ARMC7: variants seen among roughly 807,000 people sequenced by gnomAD.
ARMC7 encodes armadillo repeat-containing protein 7.
ARMC7 carries 9 observed loss-of-function variants against 14.8 expected under a neutral mutation model. The observed-to-expected ratio is 0.61, with a 90% CI of 0.37 to 1.06. The LOEUF (loss-of-function observed/expected upper bound fraction) is 1.06. Ranked by LOEUF, ARMC7 falls within the 50% of genes least tolerant of loss-of-function variation. The pLI is 0.01. For synonymous variants in ARMC7, 125 were observed against 123.4 expected, an observed-to-expected ratio of 1.01 and a Z score of -0.09; for missense variants, 262 against 267.1, an observed-to-expected ratio of 0.98 and a Z score of 0.13.
Position 75,110,503 on chromosome 17 carries a change from T to A in ARMC7, c.132T>A (p.Ala44=). ...EQVLANLANF[A]YDPSNYEYLR... The stretch of plus-strand genomic sequence containing the variant: ...TCCTCGCCAACCTCGCCAACTTCGC[T>A]TATGACCCCAGCAACTACGAGTATC... Residue 44 remains alanine, a synonymous_variant, in exon 2 of 3, where the codon GCT becomes GCA. Transcript: ENST00000245543. The A allele has an allele frequency of 6.2e-7, 1 of 1,614,056 alleles. No individual in the cohort carries two copies. The highest frequency in any genetic ancestry group is 8.5e-7 in the Non-Finnish European group (1 of 1,179,866).
chr17:75,120,244 C>T (rs1206664472), intron 2 of ARMC7, among the ~76,000 whole-genome samples: 1 of 152,126 alleles, frequency 6.6e-6, no homozygotes, highest in African/African-American at 2.4e-5. Flanking sequence ...TTCAACCTTC[C>T]CTTCATGGTC....
At chr17:75,111,041 C>T (rs991913419) in intron 2 of ARMC7, among the ~76,000 whole-genome samples, 1 of 150,644 alleles carries the variant, frequency 6.6e-6, no homozygotes, top group Non-Finnish European at 1.5e-5. Flanking sequence ...GGAGGTATTG[C>T]TTGAGTCTGG....
At chr17:75,116,259 T>C (rs940436563) in intron 2 of ARMC7, among the ~76,000 whole-genome samples, 5 of 152,192 alleles carry the variant, frequency 3.3e-5, no homozygotes, top group African/African-American at 1.2e-4. Context: ...AAAGTAGATG[T>C]GCTTACACCG....
At chr17:75,124,229 C>A (rs2074034680) in intron 2 of ARMC7, among the ~76,000 whole-genome samples, 1 of 152,164 alleles carries the variant, frequency 6.6e-6, no homozygotes, top group Admixed American at 6.5e-5. Context: ...ACACTACCCG[C>A]TAGGCAGAGG....
At chr17:75,111,622 C>T (rs1362325205) in intron 2 of ARMC7, among the ~76,000 whole-genome samples, 4 of 151,566 alleles carry the variant, frequency 2.6e-5, no homozygotes, top group Admixed American at 2.0e-4. Context: ...CGTGGTGTCC[C>T]AGCTACTCAG....
intron 2 of ARMC7, 76 bp from the exon 3 acceptor site, chr17:75,128,601 C>A: frequency 1.3e-6 from 2 of 1,542,284 alleles, no homozygotes; most frequent in Middle Eastern, 3.7e-4. Context: ...TGGGCCCCTA[C>A]CTGGGGCTCA....
At chr17:75,110,653 G>A in intron 2 of ARMC7, 47 bp downstream of exon 2, 1 of 1,608,684 alleles carries the variant, frequency 6.2e-7, no homozygotes, top group Non-Finnish European at 8.5e-7. Flanking sequence ...GCCAGGGTGA[G>A]ATAAGTGAAT....
At position 75,110,319 on chromosome 17, in the gene ARMC7, G is replaced by A. The variant is rs1462106818; in HGVS notation, c.31G>A (p.Val11Ile). The change falls in exon 1 of 3, where the codon GTC (valine) becomes ATC (isoleucine). Residue 11 changes from valine (V) to isoleucine (I), a missense_variant. Coordinates refer to ENST00000245543, the MANE Select transcript of ARMC7 (RefSeq NM_024585.4). ...CCAGAAGCCGAAGGTGGACCCCCAC[G>A]TCGGGCGGCTGGGATACCTGCAGGC... MAQKPKVDPH[V>I]GRLGYLQALV... The A allele has an allele frequency of 6.2e-7, 1 of 1,613,282 alleles. No individual in the cohort carries two copies. Among genetic ancestry groups the A allele is most frequent in the East Asian group, 2.2e-5 (1 of 44,890 alleles).
At chr17:75,125,671 C>G (rs998730571) in intron 2 of ARMC7, among the ~76,000 whole-genome samples, 1 of 150,490 alleles carries the variant, frequency 6.6e-6, no homozygotes, top group African/African-American at 2.5e-5. Flanking sequence ...AACCCTGTCT[C>G]TACTAAAAAT....
At chr17:75,123,875 C>A (rs2074031836) in intron 2 of ARMC7, among the ~76,000 whole-genome samples, 1 of 152,074 alleles carries the variant, frequency 6.6e-6, no homozygotes, top group Non-Finnish European at 1.5e-5. Context: ...CGTGCTACTG[C>A]ACTCCAGCGT....
chr17:75,129,074 C>T lies in ARMC7; in HGVS notation c.*36C>T, dbSNP rs1269091677. The T allele has an allele frequency of 1.9e-6, 3 of 1,565,722 alleles. No individual in the cohort carries two copies. The Admixed American group carries it at 5.2e-5, about 27-fold the overall frequency. On this transcript the variant is annotated 3_prime_UTR_variant, in exon 3 of 3. Coordinates refer to ENST00000245543, the MANE Select transcript of ARMC7 (RefSeq NM_024585.4). ...CTGCGAGACCGTGGCACCCCTACTG[C>T]TGGAGACCACAGTCCTGATGTGGAC...
At chr17:75,123,370 T>C (rs1486440013) in intron 2 of ARMC7, among the ~76,000 whole-genome samples, 1 of 150,978 alleles carries the variant, frequency 6.6e-6, no homozygotes. Flanking sequence ...TTTTTTTTTT[T>C]TGAGACCGAG....
intron 2 of ARMC7, among the ~76,000 whole-genome samples, 167 bp downstream of exon 2, chr17:75,110,773 G>A (rs148583421): frequency 1.1e-3 from 165 of 152,094 alleles, no homozygotes; most frequent in African/African-American, 3.9e-3. Flanking sequence ...GACCAGCCTG[G>A]CCCACATGGC....
intron 2 of ARMC7, among the ~76,000 whole-genome samples, chr17:75,111,791 G>A (rs1195659115): frequency 6.6e-6 from 1 of 151,302 alleles, no homozygotes; most frequent in East Asian, 1.9e-4. Flanking sequence ...AGCAGAGATG[G>A]CTTGCAGTCT....
Position 75,119,446 on chromosome 17 carries a change from G to GTTTT in ARMC7, c.235+8843_235+8846dup, listed in dbSNP as rs147340090. 4.2e-5 allele frequency among the ~76,000 whole-genome samples: 5 copies of GTTTT among 120,060 alleles called. 1 individual carries two copies. The highest frequency in any genetic ancestry group is 6.5e-5 in the Non-Finnish European group (4 of 61,284). 78.8% of individuals were successfully genotyped at this position (120,060 alleles called of 152,430 possible). ...ACTTCTGAAAATACCCTGTGATACA[G>GTTTT]TTTTTTCTTTTTTTTTTTTTGAGAC... On this transcript the variant is annotated intron_variant, in intron 2 of 2. Coordinates refer to ENST00000245543, the MANE Select transcript of ARMC7 (RefSeq NM_024585.4).
At chr17:75,114,994 C>A (rs972388274) in intron 2 of ARMC7, among the ~76,000 whole-genome samples, 8 of 152,090 alleles carry the variant, frequency 5.3e-5, no homozygotes, top group Admixed American at 2.0e-4. Context: ...AGCTTTGAGT[C>A]TTTTATCCGA....
chr17:75,115,025 GATCT>G (rs1205366044), intron 2 of ARMC7, among the ~76,000 whole-genome samples: 1 of 152,152 alleles, frequency 6.6e-6, no homozygotes, highest in Non-Finnish European at 1.5e-5. Context: ...CTGAGATTGT[GATCT>G]CCCTGAGCCA....
intron 2 of ARMC7, among the ~76,000 whole-genome samples, chr17:75,112,860 T>A (rs1365556325): frequency 1.3e-5 from 2 of 151,898 alleles, no homozygotes; most frequent in East Asian, 3.9e-4. Context: ...CCTCATTTCA[T>A]AACACTGATT....
chr17:75,112,878 G>T (rs2073938412), intron 2 of ARMC7, among the ~76,000 whole-genome samples: 1 of 151,756 alleles, frequency 6.6e-6, no homozygotes, highest in African/African-American at 2.4e-5. Flanking sequence ...ATTCTCGAAG[G>T]CCCCAACCAG....
Sources: gnomAD v4.1 joint callset for allele counts (sites outside exome capture counted in the v4.1 genomes callset) on GRCh38, gnomAD v4.1.1 for gene constraint, MANE v1.5 for transcripts, NCBI Gene and HGNC (gene_info 2026-07-23, HGNC 2026-07-21) for gene names.